Variants in FAT4 observed in about 807,000 individuals in gnomAD.
FAT4 encodes protocadherin Fat 4.
In FAT4, 84 loss-of-function variants were observed where a neutral mutation model predicts 303.9. That is an observed-to-expected ratio of 0.28 (90% CI 0.23 to 0.33). The LOEUF (loss-of-function observed/expected upper bound fraction) is 0.33. Ranked by LOEUF, FAT4 falls within the 10% of genes least tolerant of loss-of-function variation. The probability of loss-of-function intolerance (pLI) is 1.00; values close to 1 mark genes in which losing one functional copy is unlikely to be tolerated. For synonymous variants in FAT4, 2,307 were observed against 2,298.8 expected, an observed-to-expected ratio of 1.00 and a Z score of -0.10; for missense variants, 6,005 against 6,146.8, an observed-to-expected ratio of 0.98 and a Z score of 0.77.
At position 125,415,156 on chromosome 4, in the gene FAT4, A is replaced by G. The variant is rs1452622309; in HGVS notation, c.6193A>G (p.Ile2065Val). The change falls in exon 6 of 18, where the codon ATT becomes GTT. Residue 2065 changes from isoleucine to valine, a missense_variant. Ile to Val is a conservative substitution (Grantham distance 29). Coordinates refer to ENST00000394329, the MANE Select transcript of FAT4 (RefSeq NM_001291303.3). Reference protein sequence around the residue: ...KLTYIPENTPIDTVVFKAQAT... With the variant: ...KLTYIPENTPVDTVVFKAQAT... Reference sequence around the variant, plus strand: ...GACATACATTCCAGAAAATACACCTATTGATACTGTTGTTTTCAAAGCTCA... The same window carrying G: ...GACATACATTCCAGAAAATACACCTGTTGATACTGTTGTTTTCAAAGCTCA... 1.2e-6 allele frequency: 2 copies of G among 1,613,950 alleles called. No individual in the cohort carries two copies. Among genetic ancestry groups the G allele is most frequent in the Non-Finnish European group, 1.7e-6 (2 of 1,179,978 alleles).
intron 2 of FAT4, among the ~76,000 whole-genome samples, chr4:125,330,582 G>A (rs1050633043): frequency 6.6e-6 from 1 of 152,106 alleles, no homozygotes; most frequent in Admixed American, 6.6e-5. Context: ...CTTCCCACTG[G>A]AATTAATTTC....
At position 125,451,783 on chromosome 4, in the gene FAT4, T is replaced by C. The variant is rs1451088302; in HGVS notation, c.10773T>C (p.Ser3591=). 6.2e-7 allele frequency: 1 copy of C among 1,614,210 alleles called. No homozygotes were observed. The highest frequency in any genetic ancestry group is 1.1e-5 in the South Asian group (1 of 91,072). ...DFYLSVVTKD[S]GVPQMSSTGT... ...ATCTGTCTGTGGTTACCAAGGATTC[T>C]GGTGTTCCTCAAATGTCTTCCACAG... Residue 3591 remains serine (S), a synonymous_variant, in exon 10 of 18, where the codon TCT becomes TCC. Transcript: ENST00000394329.
At chr4:125,489,745 A>G (rs752859263) in intron 17 of FAT4, among the ~76,000 whole-genome samples, 156 bp from the exon 18 acceptor site, 7 of 151,478 alleles carry the variant, frequency 4.6e-5, no homozygotes, top group African/African-American at 7.3e-5. Flanking sequence ...ATTATCTTTC[A>G]GCTGGATGAT....
Position 125,451,341 on chromosome 4 carries a change from A to T in FAT4, c.10331A>T (p.Tyr3444Phe). 6.2e-7 allele frequency: 1 copy of T among 1,614,106 alleles called. No homozygotes were observed. Among genetic ancestry groups the T allele is most frequent in the African/African-American group, 1.3e-5 (1 of 75,034 alleles). Residue 3444 changes from tyrosine to phenylalanine, a missense_variant, in exon 10 of 18, where the codon TAC becomes TTC. Physicochemically the swap from Tyr to Phe is conservative, Grantham distance 22. Coordinates refer to ENST00000394329, the MANE Select transcript of FAT4 (RefSeq NM_001291303.3). The stretch of plus-strand genomic sequence containing the variant: ...ATCCCCAGCTGGAGCAGGTTTTCTT[A>T]CTTCATCGGATCAGGGAATGAAAAT... ...DSIPSWSRFS[Y>F]FIGSGNENGA...
At chr4:125,476,120 A>G (rs890232192) in intron 12 of FAT4, 51 bp from the exon 13 acceptor site, 2 of 1,164,818 alleles carry the variant, frequency 1.7e-6, no homozygotes, top group Non-Finnish European at 2.5e-6. Context: ...TGGAAAGGCT[A>G]ATAGGGACGG....
Position 125,451,661 on chromosome 4 carries a change from C to T in FAT4, c.10651C>T (p.Leu3551=). ...PNQGPFTYYL[L]STGPATSYFS... is the part of the protein sequence containing the mutation. ...TCAAGGTCCCTTTACTTATTACTTG[C>T]TGAGCACAGGTCCTGCCACCAGTTA... is the stretch of plus-strand genomic sequence containing the variant. Residue 3551 remains leucine, a synonymous_variant, in exon 10 of 18, where the codon CTG becomes TTG. Coordinates refer to ENST00000394329, the MANE Select transcript of FAT4 (RefSeq NM_001291303.3). 6.2e-7 allele frequency: 1 copy of T among 1,614,150 alleles called. No homozygotes were observed. The highest frequency in any genetic ancestry group is 8.5e-7 in the Non-Finnish European group (1 of 1,180,014).
intron 7 of FAT4, among the ~76,000 whole-genome samples, chr4:125,420,240 T>C (rs1735237305): frequency 6.6e-6 from 1 of 152,222 alleles, no homozygotes; most frequent in Admixed American, 6.5e-5. Context: ...TATATAGAGT[T>C]TGTTTACCTT....
At chr4:125,463,462 G>A (rs748480328) in intron 10 of FAT4, 101 bp from the exon 11 acceptor site, 5 of 532,710 alleles carry the variant, frequency 9.4e-6, no homozygotes, top group East Asian at 6.7e-5. Flanking sequence ...TCTTTTCTCC[G>A]TGATATGCCT....
In FAT4 at chr4:125,491,223, A is replaced by G; in HGVS notation, c.14407A>G (p.Arg4803Gly). 6.2e-7 allele frequency: 1 copy of G among 1,614,136 alleles called. No homozygotes were observed. Among genetic ancestry groups the G allele is most frequent in the Non-Finnish European group, 8.5e-7 (1 of 1,180,030 alleles). ...EVERLNTPRP[R>G]NPSICSADHG... is the part of the protein sequence containing the mutation. ...GGAGAGGCTCAACACACCTCGCCCT[A>G]GAAACCCAAGTATCTGCAGTGCAGA... Residue 4803 changes from arginine (R) to glycine (G), a missense_variant, in exon 18 of 18, where the codon AGA becomes GGA. Physicochemically the swap from Arg to Gly is moderately radical, Grantham distance 125 (BLOSUM62 -2). Transcript: ENST00000394329.
chr4:125,338,066 C>T (rs1731642869), intron 2 of FAT4, among the ~76,000 whole-genome samples: 1 of 152,042 alleles, frequency 6.6e-6, no homozygotes, highest in African/African-American at 2.4e-5. Flanking sequence ...ACAAGATTGC[C>T]AGGATATAAC....
Position 125,449,291 on chromosome 4 carries a change from GTCATGA to G in FAT4, c.8283_8288del (p.Met2762_Ile2763del). On this transcript the variant is annotated inframe_deletion, in exon 10 of 18. Transcript: ENST00000394329. Reference sequence around the variant, plus strand: ...CCCGTCTCAGAGTACTTCAGTAAAAGTCATGATTAACATTTTAGATGAAAATGATAA... The same window carrying G: ...CCCGTCTCAGAGTACTTCAGTAAAAGTTAACATTTTAGATGAAAATGATAA... 1 of 1,613,890 alleles carries G rather than the reference GTCATGA, an allele frequency of 6.2e-7. No individual in the cohort carries two copies. Among genetic ancestry groups the G allele is most frequent in the Non-Finnish European group, 8.5e-7 (1 of 1,179,908 alleles).
chr4:125,333,984 C>G (rs1050213420), intron 2 of FAT4, among the ~76,000 whole-genome samples: 3 of 152,044 alleles, frequency 2.0e-5, no homozygotes, highest in African/African-American at 7.2e-5. Context: ...GTTTTTAATT[C>G]TAGGACAGTC....
chr4:125,363,438 C>A (rs921578374), intron 2 of FAT4, among the ~76,000 whole-genome samples: 29 of 151,524 alleles, frequency 1.9e-4, no homozygotes, highest in African/African-American at 7.0e-4. Context: ...TAAATCATAC[C>A]ATGTTAGTTT....
intron 3 of FAT4, among the ~76,000 whole-genome samples, 162 bp downstream of exon 3, chr4:125,399,077 A>G (rs1158477385): frequency 6.6e-6 from 1 of 152,150 alleles, no homozygotes; most frequent in Non-Finnish European, 1.5e-5. Context: ...AAAATGTTAA[A>G]AAAGAGATTA....
At chr4:125,480,270 G>A (rs1727181401) in intron 15 of FAT4, among the ~76,000 whole-genome samples, 1 of 151,992 alleles carries the variant, frequency 6.6e-6, no homozygotes, top group South Asian at 2.1e-4. Flanking sequence ...ACTCAACACT[G>A]AGATCAAAAC....
chr4:125,327,092 G>T (rs1404686124), intron 2 of FAT4, among the ~76,000 whole-genome samples: 1 of 152,156 alleles, frequency 6.6e-6, no homozygotes, highest in Non-Finnish European at 1.5e-5. Flanking sequence ...GCCTACCACA[G>T]CTAAGGCCCT....
At chr4:125,400,128 T>C (rs149143483) in intron 3 of FAT4, among the ~76,000 whole-genome samples, 31 of 152,064 alleles carry the variant, frequency 2.0e-4, no homozygotes, top group African/African-American at 7.2e-4. Context: ...ACTATTTCAT[T>C]GGTTATACTC....
At chr4:125,367,676 G>A (rs1732936518) in intron 2 of FAT4, among the ~76,000 whole-genome samples, 1 of 152,140 alleles carries the variant, frequency 6.6e-6, no homozygotes, top group African/African-American at 2.4e-5. Flanking sequence ...TTCAAAGTCA[G>A]TCAGTTTCCA....
At chr4:125,448,223 A>T (rs1179243567) in intron 9 of FAT4, among the ~76,000 whole-genome samples, 3 of 152,110 alleles carry the variant, frequency 2.0e-5, no homozygotes, top group Non-Finnish European at 4.4e-5. Context: ...AAAGTATTAA[A>T]TCCAACAGAC....
Sources: allele counts gnomAD v4.1 joint callset (sites outside exome capture counted in the v4.1 genomes callset), GRCh38; gene constraint gnomAD v4.1.1; transcripts MANE v1.5; gene names NCBI Gene and HGNC (gene_info 2026-07-23, HGNC 2026-07-21).